Variants in PRKAB2 observed in about 807,000 individuals in gnomAD.
PRKAB2 encodes the protein 5'-AMP-activated protein kinase subunit beta-2.
In PRKAB2, 18 loss-of-function variants were observed where a neutral mutation model predicts 29.8. That is an observed-to-expected ratio of 0.60 (90% CI 0.42 to 0.89). The LOEUF (loss-of-function observed/expected upper bound fraction) is 0.89, where lower values mean the gene tolerates loss of function less well. Among genes scored for constraint, PRKAB2 ranks in the 40% least tolerant of loss-of-function variants. The pLI, the probability that PRKAB2 is intolerant of heterozygous loss-of-function variation, is 0.00. For synonymous variants in PRKAB2, 136 were observed against 125.9 expected (o/e 1.08, Z -0.54); for missense variants, 270 against 344.3 (o/e 0.78, Z 1.71).
rs587716743 is a variant in PRKAB2 at position 147,156,070 on chromosome 1, G to A, written c.*3495C>T. On this transcript the variant is annotated 3_prime_UTR_variant, in exon 8 of 8. Transcript: ENST00000254101. ...GTCCTGCATTCCATGGGTAACTGGA[G>A]TCAGCAGCCCCTGGTAGAAGACAGC... 1.7e-4 allele frequency: 26 copies of A among 152,482 alleles called. No individual in the cohort carries two copies. Among genetic ancestry groups the A allele is most frequent in the African/African-American group, 4.8e-4 (20 of 41,518 alleles). The allele number at this position is 152,482 out of a possible 1,614,324, so 9.4% of individuals were successfully genotyped here.
At chr1:147,161,198 C>A (rs1342595069) in intron 7 of PRKAB2, among the ~76,000 whole-genome samples, 1 of 152,036 alleles carries the variant, frequency 6.6e-6, no homozygotes, top group Non-Finnish European at 1.5e-5. Flanking sequence ...TCTAAAGCAG[C>A]AGAAAAACCA....
chr1:147,171,695 G>A (rs1386014374), intron 2 of PRKAB2, among the ~76,000 whole-genome samples: 3 of 152,160 alleles, frequency 2.0e-5, no homozygotes, highest in African/African-American at 7.2e-5. Context: ...ATGGAAGAGA[G>A]CCATTCGTGC....
At chr1:147,162,609 GAGAATTAGCA>G in intron 5 of PRKAB2, 36 bp from the exon 6 acceptor site, 1 of 1,574,330 alleles carries the variant, frequency 6.4e-7, no homozygotes, top group Non-Finnish European at 8.6e-7. Flanking sequence ...GAAAGAGTTG[GAGAATTAGCA>G]AGAATGCATG....
At chr1:147,167,087 C>G (rs1417225305) in intron 3 of PRKAB2, 148 bp from the exon 4 acceptor site, 1 of 646,678 alleles carries the variant, frequency 1.5e-6, no homozygotes, top group East Asian at 2.8e-5. Flanking sequence ...CGTATAAACC[C>G]ATTCTCCTTT....
At chr1:147,167,090 T>C in intron 3 of PRKAB2, 151 bp from the exon 4 acceptor site, 1 of 637,928 alleles carries the variant, frequency 1.6e-6, no homozygotes, top group Non-Finnish European at 2.8e-6. Context: ...ATAAACCCAT[T>C]CTCCTTTTCT....
chr1:147,172,190 G>A, intron 1 of PRKAB2, 23 bp from the exon 2 acceptor site: 1 of 1,506,958 alleles, frequency 6.6e-7, no homozygotes, highest in African/African-American at 1.4e-5. Flanking sequence ...ACGACACCGG[G>A]CTGGGAACAC....
At chr1:147,163,501 T>G (rs587773057) in intron 5 of PRKAB2, among the ~76,000 whole-genome samples, 1 of 152,330 alleles carries the variant, frequency 6.6e-6, no homozygotes, top group East Asian at 1.9e-4. Context: ...AATGGGCTCT[T>G]ATTCAGCCAT....
chr1:147,172,215 C>G lies in PRKAB2; in HGVS notation c.-23-48G>C, dbSNP rs1476954048. The G allele has an allele frequency of 4.8e-6, 7 of 1,457,484 alleles. No individual in the cohort carries two copies. The African/African-American group carries it at 7.1e-5, about 15-fold the overall frequency. The allele number at this position is 1,457,484 out of a possible 1,614,324, so 90.3% of individuals were successfully genotyped here. A position where few individuals can be genotyped will look rare whatever the true frequency, so the allele number is the denominator to read the frequency against. ...GCTGGGAACACCTCAGCCGCCGCGT[C>G]AGGGGCGCCCCCCGGCCCCGCCCCT... is the stretch of plus-strand genomic sequence containing the variant. On this transcript the variant is annotated intron_variant, in intron 1 of 7. Coordinates refer to ENST00000254101, the MANE Select transcript of PRKAB2 (RefSeq NM_005399.5).
intron 2 of PRKAB2, among the ~76,000 whole-genome samples, chr1:147,170,232 TCAGA>T (rs1222211416): frequency 6.6e-6 from 1 of 152,198 alleles, no homozygotes; most frequent in African/African-American, 2.4e-5. Context: ...TATCTGATTT[TCAGA>T]CAATCTGAAA....
chr1:147,166,367 CTG>C (rs1448805153), intron 5 of PRKAB2, 129 bp downstream of exon 5: 29 of 550,700 alleles, frequency 5.3e-5, no homozygotes, highest in Non-Finnish European at 2.0e-5. Context: ...AGAAAAATCT[CTG>C]TCTCTCTCTC....
Position 147,167,766 on chromosome 1 carries a change from C to T in PRKAB2, c.323+1G>A. 6.2e-7 allele frequency: 1 copy of T among 1,612,716 alleles called. No homozygotes were observed. Among genetic ancestry groups the T allele is most frequent in the Non-Finnish European group, 8.5e-7 (1 of 1,179,282 alleles). On this transcript the variant is annotated splice_donor_variant, in intron 3 of 7. Coordinates refer to ENST00000254101, the MANE Select transcript of PRKAB2 (RefSeq NM_005399.5). LOFTEE classifies it high-confidence loss of function. Reference sequence around the variant, plus strand: ...TTAGATTCAACCAAGACACTTGTCACCTCTTAATCAGTGGAATCTTGGTGC... The same window carrying T: ...TTAGATTCAACCAAGACACTTGTCATCTCTTAATCAGTGGAATCTTGGTGC...
In PRKAB2 at chr1:147,156,515, T is replaced by C. The variant is rs1653681632; in HGVS notation, c.*3050A>G. ...TGGGTTTGTAGGATCCTCACAAACTTCTCTTGGATTCTTCTTTTACAAAGT... is the reference window on the plus strand; with the variant it reads ...TGGGTTTGTAGGATCCTCACAAACTCCTCTTGGATTCTTCTTTTACAAAGT... On this transcript the variant is annotated 3_prime_UTR_variant, in exon 8 of 8. Transcript: ENST00000254101. 6.6e-6 allele frequency: 1 copy of C among 152,148 alleles called. No homozygotes were observed. The highest frequency in any genetic ancestry group is 1.5e-5 in the Non-Finnish European group (1 of 68,016). 9.4% of individuals were successfully genotyped at this position (152,148 alleles called of 1,614,324 possible). A position where few individuals can be genotyped will look rare whatever the true frequency, so the allele number is the denominator to read the frequency against.
chr1:147,156,793 T>C lies in PRKAB2; in HGVS notation c.*2772A>G, dbSNP rs1653696738. ...GAAAGAGGAGAGAATTGGAACAAGATGAAAAGAGAAGATGGTTATACACTG... is the reference window on the plus strand; with the variant it reads ...GAAAGAGGAGAGAATTGGAACAAGACGAAAAGAGAAGATGGTTATACACTG... On this transcript the variant is annotated 3_prime_UTR_variant, in exon 8 of 8. Coordinates refer to ENST00000254101, the MANE Select transcript of PRKAB2 (RefSeq NM_005399.5). 1 of 152,124 alleles carries C rather than the reference T, an allele frequency of 6.6e-6. No homozygotes were observed. The highest frequency in any genetic ancestry group is 1.5e-5 in the Non-Finnish European group (1 of 68,018). The allele number at this position is 152,124 out of a possible 1,614,324, so 9.4% of individuals were successfully genotyped here.
chr1:147,161,290 C>T (rs1291601102), intron 7 of PRKAB2, among the ~76,000 whole-genome samples: 1 of 152,042 alleles, frequency 6.6e-6, no homozygotes, highest in African/African-American at 2.4e-5. Flanking sequence ...ATGCAAGCAC[C>T]TGAGTATATA....
chr1:147,168,541 C>T (rs1396540074), intron 2 of PRKAB2, among the ~76,000 whole-genome samples: 2 of 152,148 alleles, frequency 1.3e-5, no homozygotes, highest in African/African-American at 4.8e-5. Flanking sequence ...TACTTATTCC[C>T]CTATCCCAGG....
chr1:147,169,944 G>C (rs1654435267), intron 2 of PRKAB2, among the ~76,000 whole-genome samples: 1 of 152,166 alleles, frequency 6.6e-6, no homozygotes, highest in Admixed American at 6.5e-5. Context: ...TTTTATGACA[G>C]GATTTTCAGT....
At position 147,166,911 on chromosome 1, in the gene PRKAB2, G is replaced by A. The variant is rs782809042; in HGVS notation, c.352C>T (p.Leu118Phe). 2.5e-6 allele frequency: 4 copies of A among 1,613,926 alleles called. No homozygotes were observed. The African/African-American group carries it at 5.3e-5, about 22-fold the overall frequency. The change falls in exon 4 of 8, where the codon CTC becomes TTC. Residue 118 changes from leucine (L) to phenylalanine (F), a missense_variant. By Grantham distance (22) the Leu-to-Phe change is conservative. Around this residue, in one of 2 missense-constraint regions of PRKAB2, gnomAD observed 228 missense variants for 255.5 expected, o/e 0.89. Coordinates refer to ENST00000254101, the MANE Select transcript of PRKAB2 (RefSeq NM_005399.5). The part of the protein sequence containing the change: ...SHNDFVAILD[L>F]PEGEHQYKFF... Reference sequence around the variant, plus strand: ...TTGTATTGGTGCTCTCCCTCAGGGAGGTCCAGGATGGCAACAAAGTCATTA... The same window carrying A: ...TTGTATTGGTGCTCTCCCTCAGGGAAGTCCAGGATGGCAACAAAGTCATTA...
In PRKAB2 at chr1:147,155,202, C is replaced by T. The variant is rs1448921611; in HGVS notation, c.*4363G>A. 1 of 152,492 alleles carries T rather than the reference C, an allele frequency of 6.6e-6. No individual in the cohort carries two copies. The highest frequency in any genetic ancestry group is 1.5e-5 in the Non-Finnish European group (1 of 68,002). 9.4% of individuals were successfully genotyped at this position (152,492 alleles called of 1,614,324 possible). On this transcript the variant is annotated 3_prime_UTR_variant, in exon 8 of 8. Coordinates refer to ENST00000254101, the MANE Select transcript of PRKAB2 (RefSeq NM_005399.5). ...TATAATTTCCAGGTGTGTCAGAGTC[C>T]AGTGACAAATTACGTTTGAAGAACA...
intron 2 of PRKAB2, 27 bp downstream of exon 2, chr1:147,171,962 C>T: frequency 6.3e-7 from 1 of 1,591,156 alleles, no homozygotes; most frequent in Non-Finnish European, 8.6e-7. Context: ...GCAGTACTGA[C>T]ACCAACTGCG....
Sources: allele counts gnomAD v4.1 joint callset (sites outside exome capture counted in the v4.1 genomes callset), GRCh38; gene constraint gnomAD v4.1.1; regional missense constraint gnomAD v4.1.1; transcripts MANE v1.5; gene names NCBI Gene and HGNC (gene_info 2026-07-23, HGNC 2026-07-21).